Variants in TTI2 observed in about 807,000 individuals in gnomAD.
TTI2 encodes TELO2-interacting protein 2.
Under a neutral mutation model 44.9 loss-of-function variants are expected in TTI2, and 26 were observed. That is an observed-to-expected ratio of 0.58 (90% CI 0.42 to 0.80). The LOEUF is 0.80. Among genes scored for constraint, TTI2 ranks in the 30% least tolerant of loss-of-function variants. TTI2 has a pLI of 0.00. For synonymous variants in TTI2, 254 were observed against 250.9 expected (o/e 1.01, Z -0.12); for missense variants, 582 against 611.6 (o/e 0.95, Z 0.51).
chr8:33,508,803 G>T (rs1330057798), intron 3 of TTI2, among the ~76,000 whole-genome samples: 1 of 151,782 alleles, frequency 6.6e-6, no homozygotes, highest in Non-Finnish European at 1.5e-5. Flanking sequence ...TTTGGATATA[G>T]TCCCTTTCAG....
chr8:33,503,416 A>C lies in TTI2; in HGVS notation c.1259+13T>G. The C allele has an allele frequency of 6.2e-7, 1 of 1,614,106 alleles. No individual in the cohort carries two copies. Among genetic ancestry groups the C allele is most frequent in the East Asian group, 2.2e-5 (1 of 44,872 alleles). ...AAAATCGGCTGAGTTTTGCACCTTA[A>C]GGCTGCTATTACCTGGGCCAAGTAT... On this transcript the variant is annotated intron_variant, in intron 6 of 7. Coordinates refer to ENST00000431156, the MANE Select transcript of TTI2 (RefSeq NM_001102401.4).
In TTI2 at chr8:33,503,777, G is replaced by A. The variant is rs746387467; in HGVS notation, c.1086C>T (p.Tyr362=). The part of the protein sequence containing the change: ...PEHRLLLRRT[Y]ARNLPAFVNR... ...TCACGAAAGCCGGCAGGTTTCTTGC[G>A]TAGGTCCTGCGTAAAAGAAGGCGGT... is the stretch of plus-strand genomic sequence containing the variant. Residue 362 remains tyrosine, a synonymous_variant, in exon 5 of 8, where the codon TAC becomes TAT. Transcript: ENST00000431156. 56 of 1,613,798 alleles carry A rather than the reference G, an allele frequency of 3.5e-5. No individual in the cohort carries two copies. Among genetic ancestry groups the A allele is most frequent in the Middle Eastern group, 1.7e-4 (1 of 5,952 alleles).
chr8:33,512,877 TAAAAA>T (rs61291473), intron 1 of TTI2, 165 bp from the exon 2 acceptor site: 89 of 93,086 alleles, frequency 9.6e-4, no homozygotes, highest in South Asian at 2.6e-3. Flanking sequence ...TCCGTCTCAG[TAAAAA>T]AAAAAAAAAA....
chr8:33,506,933 G>A (rs186383124), intron 4 of TTI2, among the ~76,000 whole-genome samples: 2 of 152,212 alleles, frequency 1.3e-5, no homozygotes, highest in Non-Finnish European at 2.9e-5. Flanking sequence ...GACCTCAGGT[G>A]ATCTGCCTCC....
intron 2 of TTI2, among the ~76,000 whole-genome samples, chr8:33,510,788 G>A (rs181508961): frequency 3.4e-5 from 5 of 145,570 alleles, no homozygotes; most frequent in African/African-American, 7.3e-5. Context: ...TTTTAATTCC[G>A]TGTTCCTGGT....
chr8:33,508,526 G>A (rs7817521), intron 3 of TTI2, among the ~76,000 whole-genome samples: 79,670 of 149,896 alleles, frequency 0.53, 21,427 homozygotes, highest in Non-Finnish European at 0.59. Flanking sequence ...CACAAGAATC[G>A]TTTGAACCCG....
Position 33,503,479 on chromosome 8 carries a change from T to C in TTI2, c.1209A>G (p.Arg403=). 1 of 1,614,174 alleles carries C rather than the reference T, an allele frequency of 6.2e-7. No individual in the cohort carries two copies. The highest frequency in any genetic ancestry group is 8.5e-7 in the Non-Finnish European group (1 of 1,180,030). The part of the protein sequence containing the change: ...EVYDGPEEEA[R]LKILETLKLL... ...GTTTTAGGGTTTCCAATATCTTCAG[T>C]CTAGCTTCCTCCTCAGGTCCATCAT... Residue 403 remains arginine, a synonymous_variant, in exon 6 of 8, where the codon AGA becomes AGG. Transcript: ENST00000431156.
chr8:33,508,863 C>T (rs751975973), intron 3 of TTI2, among the ~76,000 whole-genome samples: 3 of 151,776 alleles, frequency 2.0e-5, no homozygotes, highest in East Asian at 3.9e-4. Context: ...AACTGTAGGC[C>T]GGGCGGGGTG....
Position 33,512,218 on chromosome 8 carries a change from A to C in TTI2, c.396T>G (p.Asn132Lys). The change falls in exon 2 of 8, where the codon AAT becomes AAG. Residue 132 changes from asparagine to lysine, a missense_variant. Transcript: ENST00000431156. The stretch of plus-strand genomic sequence containing the variant: ...TCTGCCATGCAGGGCCGACCAGGGA[A>C]TTCTTAGCAGTCTCAACTTTCCCTA... The part of the protein sequence containing the change: ...KLLGKVETAK[N>K]SLVGPAWQTG... The C allele has an allele frequency of 4.3e-6, 7 of 1,614,172 alleles. No individual in the cohort carries two copies. Among genetic ancestry groups the C allele is most frequent in the Non-Finnish European group, 5.1e-6 (6 of 1,180,038 alleles).
rs754575383 is a variant in TTI2, at chr8:33,512,085, T to C, written c.529A>G (p.Thr177Ala). Residue 177 changes from threonine to alanine, a missense_variant, in exon 2 of 8, where the codon ACC becomes GCC. Coordinates refer to ENST00000431156, the MANE Select transcript of TTI2 (RefSeq NM_001102401.4). Reference sequence around the variant, plus strand: ...CATTCAGTAACTTGAAGCAGTGAGGTGAGCACCTCCCTAGCAACTTCCCGA... The same window carrying C: ...CATTCAGTAACTTGAAGCAGTGAGGCGAGCACCTCCCTAGCAACTTCCCGA... Reference protein sequence around the residue: ...RSREVAREVLTSLLQVTECGS... With the variant: ...RSREVAREVLASLLQVTECGS... 3.8e-5 allele frequency: 61 copies of C among 1,613,936 alleles called. No individual in the cohort carries two copies. Among genetic ancestry groups the C allele is most frequent in the Non-Finnish European group, 5.1e-5 (60 of 1,179,998 alleles).
At chr8:33,511,413 G>C (rs1178204722) in intron 2 of TTI2, among the ~76,000 whole-genome samples, 2 of 152,138 alleles carry the variant, frequency 1.3e-5, no homozygotes, top group Non-Finnish European at 1.5e-5. Context: ...CGTCCTAAGG[G>C]CTGGAAAGAG....
chr8:33,512,784 GAGAA>G (rs1164377053), intron 1 of TTI2, 72 bp from the exon 2 acceptor site: 1 of 703,096 alleles, frequency 1.4e-6, no homozygotes, highest in African/African-American at 1.8e-5. Flanking sequence ...TAAGAATAAA[GAGAA>G]AGGGTGAACC....
Position 33,512,059 on chromosome 8 carries a change from G to A in TTI2, c.555C>T (p.Cys185=). ...VLTSLLQVTE[C]GSVAGFLHGE... is the part of the protein sequence containing the mutation. ...CATGTAGGAATCCTGCCACAGAACC[G>A]CATTCAGTAACTTGAAGCAGTGAGG... Residue 185 remains cysteine, a synonymous_variant, in exon 2 of 8, where the codon TGC becomes TGT. Transcript: ENST00000431156. 1 of 1,614,010 alleles carries A rather than the reference G, an allele frequency of 6.2e-7. No homozygotes were observed. The highest frequency in any genetic ancestry group is 8.5e-7 in the Non-Finnish European group (1 of 1,179,964).
Position 33,504,289 on chromosome 8 carries a change from A to ATTTTTTTTTTTTT in TTI2, c.928-367_928-355dup, listed in dbSNP as rs1169577360. 4.1e-4 allele frequency among the ~76,000 whole-genome samples: 30 copies of ATTTTTTTTTTTTT among 72,978 alleles called. 1 individual carries two copies. Among genetic ancestry groups the ATTTTTTTTTTTTT allele is most frequent in the East Asian group, 1.5e-3 (3 of 1,998 alleles). The allele number at this position is 72,978 out of a possible 152,430, so 47.9% of individuals were successfully genotyped here. ...ACTTAGTGATACATGATATTTACACATTTTTTTTTTTTTTTTTTTTTTTTT... is the reference window on the plus strand; with the variant it reads ...ACTTAGTGATACATGATATTTACACATTTTTTTTTTTTTTTTTTTTTTTTTTTTTTTTTTTTTT... On this transcript the variant is annotated intron_variant, in intron 4 of 7. Coordinates refer to ENST00000431156, the MANE Select transcript of TTI2 (RefSeq NM_001102401.4).
intron 4 of TTI2, among the ~76,000 whole-genome samples, chr8:33,506,010 C>T (rs1389399331): frequency 6.6e-6 from 1 of 152,208 alleles, no homozygotes; most frequent in Non-Finnish European, 1.5e-5. Context: ...GTCTTGAACT[C>T]CCAACCTCAG....
chr8:33,500,396 T>C lies in TTI2; in HGVS notation c.1354A>G (p.Ser452Gly), dbSNP rs1467567013. 1 of 1,614,106 alleles carries C rather than the reference T, an allele frequency of 6.2e-7. No homozygotes were observed. Among genetic ancestry groups the C allele is most frequent in the South Asian group, 1.1e-5 (1 of 91,080 alleles). The part of the protein sequence containing the change: ...DPNLTPESVK[S>G]ALLQEATDCL... The stretch of plus-strand genomic sequence containing the variant: ...TCTGTGGCCTCCTGTAGCAGGGCGC[T>C]CTTAACAGACTCAGGTGTAAGGTTT... Residue 452 changes from serine to glycine, a missense_variant, in exon 7 of 8, where the codon AGC becomes GGC. Transcript: ENST00000431156.
At chr8:33,509,699 A>T in intron 3 of TTI2, 47 bp downstream of exon 3, 4 of 1,550,744 alleles carry the variant, frequency 2.6e-6, no homozygotes, top group Non-Finnish European at 3.6e-6. Flanking sequence ...GCCAGGAATG[A>T]CTCAGTCTGT....
chr8:33,509,633 GAGAAAATACA>G (rs1332475096), intron 3 of TTI2, 103 bp downstream of exon 3: 18 of 1,063,260 alleles, frequency 1.7e-5, no homozygotes, highest in Non-Finnish European at 2.6e-5. Flanking sequence ...AAAATATAAG[GAGAAAATACA>G]AATAAGTAAA....
At chr8:33,500,187 A>G in intron 7 of TTI2, 141 bp downstream of exon 7, 1 of 860,724 alleles carries the variant, frequency 1.2e-6, no homozygotes, top group Non-Finnish European at 1.8e-6. Context: ...TTTTGAGGCT[A>G]GAGGGCTCAT....
Sources: allele counts gnomAD v4.1 joint callset (sites outside exome capture counted in the v4.1 genomes callset), GRCh38; gene constraint gnomAD v4.1.1; transcripts MANE v1.5; gene names NCBI Gene and HGNC (gene_info 2026-07-23, HGNC 2026-07-21).